CAMTA1: variants seen among roughly 807,000 people sequenced by gnomAD.
CAMTA1 encodes the protein calmodulin binding transcription activator 1.
In CAMTA1, 27 loss-of-function variants were observed where a neutral mutation model predicts 170.9. The observed-to-expected ratio is 0.16, with a 90% CI of 0.12 to 0.22. CAMTA1 has a LOEUF of 0.22. Among genes scored for constraint, CAMTA1 ranks in the 10% least tolerant of loss-of-function variants. CAMTA1 has a pLI of 1.00. For synonymous variants in CAMTA1, 833 were observed against 891.5 expected (o/e 0.93, Z 1.17); for missense variants, 1,619 against 2,217.2 (o/e 0.73, Z 5.42).
chr1:7,160,684 T>C (rs1157174265), intron 4 of CAMTA1, among the ~76,000 whole-genome samples: 1 of 152,224 alleles, frequency 6.6e-6, no homozygotes, highest in Non-Finnish European at 1.5e-5. Flanking sequence ...TCTATTTTTA[T>C]GGATTTTGTT....
chr1:7,004,601 C>T (rs1007390666), intron 3 of CAMTA1, among the ~76,000 whole-genome samples: 2 of 152,152 alleles, frequency 1.3e-5, no homozygotes, highest in Admixed American at 1.3e-4. Flanking sequence ...TATGCCGATC[C>T]ATGAATGAAA....
At chr1:7,715,432 C>CTTTTT (rs34965685) in intron 11 of CAMTA1, among the ~76,000 whole-genome samples, 7 of 142,274 alleles carry the variant, frequency 4.9e-5, no homozygotes, top group Non-Finnish European at 3.0e-5. Context: ...TAGCCACACA[C>CTTTTT]TTTTTTTTTT....
chr1:7,615,008 C>G lies in CAMTA1; in HGVS notation c.511-25392C>G, dbSNP rs540139590. Among the ~76,000 whole-genome samples the G allele has an allele frequency of 7.2e-5, 11 of 152,380 alleles. No individual in the cohort carries two copies. The East Asian group carries it at 1.9e-3, about 27-fold the overall frequency. On this transcript the variant is annotated intron_variant, in intron 6 of 22. Transcript: ENST00000303635. ...CTGCTGCAGAGCCCCACTCCACACA[C>G]CTACAAAGAGACCCTTTTTCTCTTC...
At chr1:7,086,602 A>G (rs1483172407) in intron 3 of CAMTA1, among the ~76,000 whole-genome samples, 1 of 151,962 alleles carries the variant, frequency 6.6e-6, no homozygotes. Context: ...GCAACCACTA[A>G]TCTCCATGCT....
At chr1:7,718,833 A>G (rs538563505) in intron 11 of CAMTA1, among the ~76,000 whole-genome samples, 2 of 145,558 alleles carry the variant, frequency 1.4e-5, no homozygotes, top group East Asian at 4.1e-4. Flanking sequence ...CTGGGATTAC[A>G]GGCATGAGCC....
rs1008320675 is a variant in CAMTA1, at chr1:7,216,736, C to T, written c.303-32755C>T. 1.3e-5 allele frequency among the ~76,000 whole-genome samples: 2 copies of T among 152,102 alleles called. No homozygotes were observed. Among genetic ancestry groups the T allele is most frequent in the African/African-American group, 4.8e-5 (2 of 41,412 alleles). ...ATGTTGGCCAGGCTGGTCTTGAACT[C>T]CTGACTTCAAGTGATCCACCATTCT... On this transcript the variant is annotated intron_variant, in intron 4 of 22. Coordinates refer to ENST00000303635, the MANE Select transcript of CAMTA1 (RefSeq NM_015215.4). The surrounding 1 kb of genome is among the most constrained non-coding windows in gnomAD (Gnocchi z 4.0).
At chr1:7,595,334 C>T (rs775667276) in intron 6 of CAMTA1, among the ~76,000 whole-genome samples, 4 of 152,136 alleles carry the variant, frequency 2.6e-5, no homozygotes, top group Admixed American at 6.5e-5. Context: ...GCAGAGACTC[C>T]GAGGCAAGGC....
intron 11 of CAMTA1, among the ~76,000 whole-genome samples, chr1:7,703,032 G>T (rs2096459334): frequency 6.6e-6 from 1 of 152,138 alleles, no homozygotes; most frequent in African/African-American, 2.4e-5. Flanking sequence ...GAACCCAGGG[G>T]GGTTGGTTTC....
At chr1:7,409,720 A>G (rs4908635) in intron 5 of CAMTA1, among the ~76,000 whole-genome samples, 31,174 of 152,264 alleles carry the variant, frequency 0.2, 3,837 homozygotes, top group Middle Eastern at 0.44. Flanking sequence ...ACACAGGACA[A>G]GAGACTAGGA....
At chr1:7,509,465 C>T (rs1298536945) in intron 6 of CAMTA1, among the ~76,000 whole-genome samples, 1 of 152,146 alleles carries the variant, frequency 6.6e-6, no homozygotes, top group Non-Finnish European at 1.5e-5. Flanking sequence ...GCTTTATAGT[C>T]CACAGACACT....
rs536601072 is a variant in CAMTA1 at position 7,510,808 on chromosome 1, G to C, written c.510+42907G>C. ...TCCAGGATGGCTCTCTACCTTCCAG[G>C]CATCCCAGTTCATAAACACACACTG... On this transcript the variant is annotated intron_variant, in intron 6 of 22. Coordinates refer to ENST00000303635, the MANE Select transcript of CAMTA1 (RefSeq NM_015215.4). Among the ~76,000 whole-genome samples, 36 of 144,990 alleles carry C rather than the reference G, an allele frequency of 2.5e-4. 5 individuals carry two copies. The South Asian group carries it at 7.8e-3, about 32-fold the overall frequency.
intron 22 of CAMTA1, among the ~76,000 whole-genome samples, chr1:7,756,825 G>A (rs2096934763): frequency 6.6e-6 from 1 of 152,076 alleles, no homozygotes; most frequent in African/African-American, 2.4e-5. Flanking sequence ...TCCAGCCTGA[G>A]CAACAGAGCG....
At chr1:7,401,112 C>T (rs965801277) in intron 5 of CAMTA1, among the ~76,000 whole-genome samples, 29 of 152,164 alleles carry the variant, frequency 1.9e-4, no homozygotes, top group Non-Finnish European at 8.8e-5. Context: ...AGATCACAAA[C>T]ATTTTCTATC....
In CAMTA1 at chr1:7,014,550, C is replaced by A. The variant is rs1361620847; in HGVS notation, c.235-76754C>A. ...GACTGAGGCCTTTCTGTAACTAAAG[C>A]CCAGCCCAAGTATAGGGAGCAATGG... is the stretch of plus-strand genomic sequence containing the variant. On this transcript the variant is annotated intron_variant, in intron 3 of 22. Transcript: ENST00000303635. This position sits in a 1 kb window ranked among gnomAD's most constrained non-coding sequence, Gnocchi z 4.2. 6.6e-6 allele frequency among the ~76,000 whole-genome samples: 1 copy of A among 152,168 alleles called. No individual in the cohort carries two copies. The highest frequency in any genetic ancestry group is 1.5e-5 in the Non-Finnish European group (1 of 68,032).
At chr1:7,368,175 G>T (rs1158185843) in intron 5 of CAMTA1, among the ~76,000 whole-genome samples, 13 of 91,198 alleles carry the variant, frequency 1.4e-4, no homozygotes, top group South Asian at 4.1e-4. Flanking sequence ...CCCTGGGCAT[G>T]GATGGTTTCA....
In CAMTA1 at chr1:7,102,435, G is replaced by A. The variant is rs1642854670; in HGVS notation, c.302+11064G>A. 2.0e-5 allele frequency among the ~76,000 whole-genome samples: 3 copies of A among 152,136 alleles called. 1 individual carries two copies. The South Asian group carries it at 6.2e-4, about 32-fold the overall frequency. On this transcript the variant is annotated intron_variant, in intron 4 of 22. Transcript: ENST00000303635. ...TGATCTGTAGGAATTCAGGATCTGA[G>A]TTTTTTATTTTGGCCTTTACCTGCG...
At chr1:7,077,286 CT>C (rs1307469171) in intron 3 of CAMTA1, among the ~76,000 whole-genome samples, 1 of 119,392 alleles carries the variant, frequency 8.4e-6, no homozygotes, top group Non-Finnish European at 1.7e-5. Context: ...TTCTGTTTTG[CT>C]TTTGCACAGA....
At chr1:7,556,945 C>A (rs2094886654) in intron 6 of CAMTA1, among the ~76,000 whole-genome samples, 1 of 152,176 alleles carries the variant, frequency 6.6e-6, no homozygotes, top group Admixed American at 6.5e-5. Context: ...CATGGTGACC[C>A]TTTGAGGCAG....
In CAMTA1 at chr1:7,130,172, C is replaced by A. The variant is rs189698152; in HGVS notation, c.302+38801C>A. On this transcript the variant is annotated intron_variant, in intron 4 of 22. Coordinates refer to ENST00000303635, the MANE Select transcript of CAMTA1 (RefSeq NM_015215.4). ...CAGGATGGTCTTGAACTCCTGACAT[C>A]AAGTGATCCACCCACCTTAGCCTCC... Among the ~76,000 whole-genome samples the A allele has an allele frequency of 2.6e-3, 390 of 152,264 alleles. 1 individual carries two copies. The highest frequency in any genetic ancestry group is 9.0e-3 in the African/African-American group (373 of 41,542).
Sources: gnomAD v4.1 joint callset for allele counts (sites outside exome capture counted in the v4.1 genomes callset) on GRCh38, gnomAD v4.1.1 for gene constraint, Gnocchi (gnomAD v3.1) non-coding constraint, MANE v1.5 for transcripts, NCBI Gene and HGNC (gene_info 2026-07-23, HGNC 2026-07-21) for gene names.